Variants in DNMBP observed in about 807,000 individuals in gnomAD.
The protein encoded by DNMBP is dynamin-binding protein.
Under a neutral mutation model 150.0 loss-of-function variants are expected in DNMBP, and 87 were observed. The ratio of observed to expected loss-of-function variants is 0.58; its 90% CI spans 0.49 to 0.69. The LOEUF is 0.69. Among genes scored for constraint, DNMBP ranks in the 30% least tolerant of loss-of-function variants. The pLI, the probability that DNMBP is intolerant of heterozygous loss-of-function variation, is 0.00. For missense variants in DNMBP, 1,774 were observed against 1,949.0 expected (o/e 0.91, Z 1.69); for synonymous variants, 711 against 750.4 (o/e 0.95, Z 0.86).
intron 1 of DNMBP, among the ~76,000 whole-genome samples, chr10:100,008,267 G>T (rs1043343352): frequency 2.0e-5 from 3 of 152,146 alleles, no homozygotes; most frequent in African/African-American, 4.8e-5. Context: ...TAAACAGATC[G>T]TTTATGAAGA....
intron 4 of DNMBP, among the ~76,000 whole-genome samples, chr10:99,935,102 A>G (rs1372340729): frequency 6.6e-6 from 1 of 151,116 alleles, no homozygotes; most frequent in Non-Finnish European, 1.5e-5. Context: ...AAAAAAAAAA[A>G]AAAAAAAAAA....
At chr10:99,994,396 C>T (rs1327638159) in intron 1 of DNMBP, among the ~76,000 whole-genome samples, 2 of 152,116 alleles carry the variant, frequency 1.3e-5, no homozygotes, top group South Asian at 2.1e-4. Context: ...ATGACAATGG[C>T]GGGTGATGAC....
At chr10:99,946,049 T>C (rs577634666) in intron 4 of DNMBP, among the ~76,000 whole-genome samples, 31 of 152,336 alleles carry the variant, frequency 2.0e-4, no homozygotes, top group Non-Finnish European at 4.3e-4. Flanking sequence ...CTCTGCCTAC[T>C]GGGTTCAAGC....
intron 1 of DNMBP, among the ~76,000 whole-genome samples, chr10:99,991,214 G>A (rs978444812): frequency 2.6e-5 from 4 of 151,882 alleles, no homozygotes; most frequent in Non-Finnish European, 4.4e-5. Flanking sequence ...GAGTAGCTGG[G>A]ACTACAGGCA....
At chr10:99,965,744 G>A (rs141014558) in intron 3 of DNMBP, among the ~76,000 whole-genome samples, 2,533 of 152,134 alleles carry the variant, frequency 0.017, 39 homozygotes, top group African/African-American at 0.037. Context: ...TGATCCACCC[G>A]CCTAGGCCTC....
At chr10:99,977,972 T>C (rs540718973) in intron 1 of DNMBP, among the ~76,000 whole-genome samples, 7 of 152,366 alleles carry the variant, frequency 4.6e-5, no homozygotes, top group African/African-American at 1.4e-4. Context: ...CAAGCATTAA[T>C]GTCTTGGACT....
chr10:99,908,036 G>A lies in DNMBP; in HGVS notation c.2513C>T (p.Ser838Leu), dbSNP rs2039848370. ...FGNMQMVIKV[S>L]KQLLAALEIS... is the part of the protein sequence containing the mutation. ...TTCCAGAGCAGCCAATAATTGCTTC[G>A]AGACCTTAATCACCATCTGCATATT... Residue 838 changes from serine (S) to leucine (L), a missense_variant, in exon 6 of 17, where the codon TCG (serine) becomes TTG (leucine). Around this residue, in one of 2 missense-constraint regions of DNMBP, gnomAD observed 1,430 missense variants for 1,492.5 expected, o/e 0.96. Transcript: ENST00000324109. 6 of 1,614,000 alleles carry A rather than the reference G, an allele frequency of 3.7e-6. No homozygotes were observed. The highest frequency in any genetic ancestry group is 5.1e-6 in the Non-Finnish European group (6 of 1,179,946).
chr10:99,890,603 T>C (rs940882943), intron 11 of DNMBP, among the ~76,000 whole-genome samples: 5 of 152,186 alleles, frequency 3.3e-5, no homozygotes, highest in African/African-American at 1.2e-4. Flanking sequence ...GGGAAAGTCC[T>C]ATGAAGCAGC....
At chr10:99,901,757 C>CTA (rs1449296337) in intron 6 of DNMBP, among the ~76,000 whole-genome samples, 1 of 152,120 alleles carries the variant, frequency 6.6e-6, no homozygotes, top group Non-Finnish European at 1.5e-5. Context: ...CAATATGATA[C>CTA]TATTTACTGC....
chr10:99,928,994 A>T (rs942557817), intron 4 of DNMBP, among the ~76,000 whole-genome samples: 1 of 152,134 alleles, frequency 6.6e-6, no homozygotes, highest in Non-Finnish European at 1.5e-5. Flanking sequence ...AAAATAAAAA[A>T]GTAGCCGGGC....
chr10:99,880,109 G>A lies in DNMBP; in HGVS notation c.4250C>T (p.Thr1417Ile), dbSNP rs2039341992. 1.2e-6 allele frequency: 2 copies of A among 1,614,104 alleles called. No individual in the cohort carries two copies. The highest frequency in any genetic ancestry group is 1.1e-5 in the South Asian group (1 of 91,090). ...SPPPKECDQG[T>I]LSASLNPSNS... ...ACTCGGATTTAGGGATGCACTGAGA[G>A]TTCCTTGGTCACATTCTTTTGGCGG... Residue 1417 changes from threonine to isoleucine, a missense_variant, in exon 16 of 17, where the codon ACT becomes ATT. By Grantham distance (89) the Thr-to-Ile change is moderately conservative (BLOSUM62 -1). Transcript: ENST00000324109.
At chr10:99,885,014 C>T (rs2133199037) in intron 14 of DNMBP, among the ~76,000 whole-genome samples, 1 of 152,178 alleles carries the variant, frequency 6.6e-6, no homozygotes, top group East Asian at 1.9e-4. Flanking sequence ...GCTGGTGTGC[C>T]TTATGCTAAT....
chr10:99,987,267 C>G (rs2040838199), intron 1 of DNMBP, among the ~76,000 whole-genome samples: 1 of 151,896 alleles, frequency 6.6e-6, no homozygotes, highest in Non-Finnish European at 1.5e-5. Context: ...TTCTGGGAGG[C>G]CGAGGCTAGG....
At chr10:99,878,139 A>T (rs2039305104) in intron 16 of DNMBP, among the ~76,000 whole-genome samples, 1 of 152,344 alleles carries the variant, frequency 6.6e-6, no homozygotes, top group East Asian at 1.9e-4. Flanking sequence ...GAATTGCTTT[A>T]AAGGGTGGAA....
In DNMBP at chr10:99,908,089, T is replaced by C. The variant is rs1383322481; in HGVS notation, c.2460A>G (p.Pro820=). 2 of 1,611,324 alleles carry C rather than the reference T, an allele frequency of 1.2e-6. No homozygotes were observed. Among genetic ancestry groups the C allele is most frequent in the African/African-American group, 2.7e-5 (2 of 74,860 alleles). The stretch of plus-strand genomic sequence containing the variant: ...CAAAAAGTCCCTCAAAATCAATGTT[T>C]GGTACCTGAGAAAAGGAAACAAAAC... ...IMVPMQQAQV[P]NIDFEGLFGN... Residue 820 remains proline, a synonymous_variant, in exon 6 of 17, where the codon CCA becomes CCG. Coordinates refer to ENST00000324109, the MANE Select transcript of DNMBP (RefSeq NM_015221.4).
chr10:99,879,770 C>T lies in DNMBP; in HGVS notation c.4548+41G>A, dbSNP rs1200804882. 3.7e-6 allele frequency: 6 copies of T among 1,604,860 alleles called. No homozygotes were observed. The South Asian group carries it at 4.5e-5, about 12-fold the overall frequency. ...CCCGCTGGTACCCACAACACATCTG[C>T]TGCCGCCTGTGCCACAGTGGCAGGC... On this transcript the variant is annotated intron_variant, in intron 16 of 16. Coordinates refer to ENST00000324109, the MANE Select transcript of DNMBP (RefSeq NM_015221.4).
intron 6 of DNMBP, among the ~76,000 whole-genome samples, chr10:99,907,630 A>G (rs1251126698): frequency 6.6e-6 from 1 of 152,122 alleles, no homozygotes; most frequent in Non-Finnish European, 1.5e-5. Context: ...TCCTGACCTC[A>G]GGTGATCCTC....
At chr10:99,998,437 G>A (rs932369597) in intron 1 of DNMBP, among the ~76,000 whole-genome samples, 7 of 151,624 alleles carry the variant, frequency 4.6e-5, no homozygotes, top group Admixed American at 1.3e-4. Context: ...AACATTAGCC[G>A]GGTATAGTGG....
At chr10:99,944,844 T>C (rs7086359) in intron 4 of DNMBP, among the ~76,000 whole-genome samples, 12,938 of 152,214 alleles carry the variant, frequency 0.085, 798 homozygotes, top group African/African-American at 0.17. Flanking sequence ...AAACTAATAC[T>C]GGACTTTTTA....
Sources: gnomAD v4.1 joint callset for allele counts (sites outside exome capture counted in the v4.1 genomes callset) on GRCh38, gnomAD v4.1.1 for gene constraint, gnomAD v4.1.1 regional missense constraint, MANE v1.5 for transcripts, NCBI Gene and HGNC (gene_info 2026-07-23, HGNC 2026-07-21) for gene names.